TIAM1: variants seen among roughly 807,000 people sequenced by gnomAD.
The protein encoded by TIAM1 is TIAM Rac1 associated GEF 1.
A neutral mutation model predicts 163.5 loss-of-function variants in TIAM1; 65 were observed. The observed-to-expected ratio is 0.40, with a 90% CI of 0.33 to 0.49. TIAM1 has a LOEUF of 0.49. TIAM1 is among the 20% of genes least tolerant of loss of function. The pLI, the probability that TIAM1 is intolerant of heterozygous loss-of-function variation, is 0.77. For missense variants in TIAM1, 1,789 were observed against 2,044.7 expected (o/e 0.87, Z 2.41); for synonymous variants, 833 against 810.1 (o/e 1.03, Z -0.48).
At chr21:31,337,461 A>G (rs1230951439) in intron 2 of TIAM1, among the ~76,000 whole-genome samples, 1 of 152,064 alleles carries the variant, frequency 6.6e-6, no homozygotes, top group Non-Finnish European at 1.5e-5. Flanking sequence ...GGGGCTGAAC[A>G]TGGACAGCCG....
At chr21:31,239,016 T>C (rs1216290601) in intron 6 of TIAM1, among the ~76,000 whole-genome samples, 1 of 152,224 alleles carries the variant, frequency 6.6e-6, no homozygotes, top group Non-Finnish European at 1.5e-5. Flanking sequence ...AAGTAAAACA[T>C]AGCCACCGAT....
At chr21:31,156,394 A>G (rs2083623874) in intron 16 of TIAM1, among the ~76,000 whole-genome samples, 1 of 152,088 alleles carries the variant, frequency 6.6e-6, no homozygotes, top group South Asian at 2.1e-4. Flanking sequence ...CCCACAAACA[A>G]TTTTCCCTTA....
In TIAM1 at chr21:31,210,020, G is replaced by A. The variant is rs768650969; in HGVS notation, c.2388+25C>T. Reference sequence around the variant, plus strand: ...TACACCCCATTCTGCTCTTCTTGGAGAAACAACCCAAAGCAGCTCCATACC... The same window carrying A: ...TACACCCCATTCTGCTCTTCTTGGAAAAACAACCCAAAGCAGCTCCATACC... On this transcript the variant is annotated intron_variant, in intron 11 of 27. Coordinates refer to ENST00000541036, the MANE Select transcript of TIAM1 (RefSeq NM_001353694.2). 1.9e-5 allele frequency: 31 copies of A among 1,602,134 alleles called. No homozygotes were observed. The South Asian group carries it at 2.1e-4, about 11-fold the overall frequency.
intron 19 of TIAM1, among the ~76,000 whole-genome samples, chr21:31,149,801 C>T (rs1421505018): frequency 2.0e-5 from 3 of 152,106 alleles, no homozygotes; most frequent in East Asian, 3.8e-4. Context: ...TATCAATTTA[C>T]TAATTTAGAA....
intron 2 of TIAM1, among the ~76,000 whole-genome samples, chr21:31,335,083 A>G (rs772613704): frequency 6.6e-6 from 1 of 152,192 alleles, no homozygotes; most frequent in Non-Finnish European, 1.5e-5. Context: ...GACCCAAGGC[A>G]TCCACATCCC....
chr21:31,148,604 T>C (rs765621277), intron 19 of TIAM1, among the ~76,000 whole-genome samples: 27 of 152,184 alleles, frequency 1.8e-4, no homozygotes, highest in Non-Finnish European at 3.7e-4. Flanking sequence ...AACCCCTCCC[T>C]TTAGCCATCC....
intron 1 of TIAM1, among the ~76,000 whole-genome samples, chr21:31,520,553 T>TAC (rs1354943859): frequency 1.3e-5 from 2 of 152,214 alleles, no homozygotes; most frequent in Non-Finnish European, 2.9e-5. Flanking sequence ...TGTGCTGTCC[T>TAC]AAGGCAGGCC....
rs769084819 is a variant in TIAM1, at chr21:31,120,460, T to A, written c.4684A>T (p.Ile1562Phe). The change falls in exon 28 of 28, where the codon ATC (isoleucine) becomes TTC (phenylalanine). Residue 1562 changes from isoleucine (I) to phenylalanine (F), a missense_variant. Around this residue, in one of 5 missense-constraint regions of TIAM1, gnomAD observed 415 missense variants for 439.2 expected, o/e 0.94. Transcript: ENST00000541036. The surrounding 1 kb of genome is among the most constrained non-coding windows in gnomAD (Gnocchi z 4.2). The stretch of plus-strand genomic sequence containing the variant: ...CTTGCGCTCTCCAGGCCTCCATTGA[T>A]CCCCGACAGGGCAGCTTGCTTCTTG... ...QLKKQAALSG[I>F]NGGLESASEE... 6 of 1,614,188 alleles carry A rather than the reference T, an allele frequency of 3.7e-6. No individual in the cohort carries two copies. The East Asian group carries it at 1.3e-4, about 36-fold the overall frequency.
At chr21:31,406,044 A>T (rs1422317787) in intron 2 of TIAM1, among the ~76,000 whole-genome samples, 3 of 152,152 alleles carry the variant, frequency 2.0e-5, no homozygotes, top group Non-Finnish European at 4.4e-5. Context: ...GATTGCCGTC[A>T]TCCTAAATTC....
chr21:31,510,000 C>T lies in TIAM1; in HGVS notation c.-421-45965G>A, dbSNP rs114877129. On this transcript the variant is annotated intron_variant, in intron 1 of 28. Transcript: ENST00000286827. The stretch of plus-strand genomic sequence containing the variant: ...ACTAGCATCTTTTATGAGGCACAGC[C>T]ATCAAAGGACCTCCTGACAGCAAAG... 2.1e-3 allele frequency among the ~76,000 whole-genome samples: 318 copies of T among 152,344 alleles called. 2 individuals carry two copies. The highest frequency in any genetic ancestry group is 7.1e-3 in the African/African-American group (297 of 41,582).
intron 11 of TIAM1, among the ~76,000 whole-genome samples, chr21:31,205,783 G>A (rs947352915): frequency 5.9e-5 from 9 of 152,080 alleles, no homozygotes; most frequent in African/African-American, 2.2e-4. Flanking sequence ...GGGTAACATG[G>A]TGAAACCCTG....
At chr21:31,322,448 T>TGGGGGGGGGG (rs386394590) in intron 2 of TIAM1, among the ~76,000 whole-genome samples, 1 of 136,504 alleles carries the variant, frequency 7.3e-6, no homozygotes, top group Non-Finnish European at 1.6e-5. Flanking sequence ...CCTCTATGGG[T>TGGGGGGGGGG]GGGGGGGGGT....
intron 2 of TIAM1, among the ~76,000 whole-genome samples, chr21:31,328,810 G>T (rs2075579961): frequency 6.6e-6 from 1 of 151,626 alleles, no homozygotes; most frequent in Non-Finnish European, 1.5e-5. Context: ...AACCTGTGGT[G>T]AATTTTTCTA....
intron 2 of TIAM1, among the ~76,000 whole-genome samples, chr21:31,357,252 T>A (rs1287499040): frequency 1.3e-5 from 2 of 152,160 alleles, no homozygotes; most frequent in Non-Finnish European, 1.5e-5. Flanking sequence ...CACACCAAAA[T>A]TCTCTGTCTA....
intron 1 of TIAM1, among the ~76,000 whole-genome samples, chr21:31,531,604 A>G (rs1328886370): frequency 6.6e-6 from 1 of 152,168 alleles, no homozygotes; most frequent in African/African-American, 2.4e-5. Context: ...GAGATGGTGA[A>G]AGAAATGGAA....
intron 8 of TIAM1, among the ~76,000 whole-genome samples, chr21:31,219,302 C>T (rs1339535732): frequency 3.9e-5 from 6 of 152,172 alleles, no homozygotes; most frequent in East Asian, 1.9e-4. Flanking sequence ...CCCACCCGCT[C>T]GCCTTTCAAA....
intron 2 of TIAM1, among the ~76,000 whole-genome samples, chr21:31,287,282 T>C (rs1316795684): frequency 6.6e-6 from 1 of 152,338 alleles, no homozygotes; most frequent in East Asian, 1.9e-4. Context: ...ATGAATTGTT[T>C]GGGTAAGACA....
intron 2 of TIAM1, among the ~76,000 whole-genome samples, chr21:31,373,270 A>G (rs2147159117): frequency 6.6e-6 from 1 of 152,244 alleles, no homozygotes; most frequent in East Asian, 1.9e-4. Context: ...AGCTTGGGAT[A>G]CAGGATGAGA....
At chr21:31,210,253 G>A (rs747875427) in intron 10 of TIAM1, 38 bp from the exon 11 acceptor site, 2 of 1,603,364 alleles carry the variant, frequency 1.2e-6, no homozygotes, top group Non-Finnish European at 1.7e-6. Flanking sequence ...CAGCAGCAGT[G>A]GAGCTCTGAC....
Sources: gnomAD v4.1 joint callset for allele counts (sites outside exome capture counted in the v4.1 genomes callset) on GRCh38, gnomAD v4.1.1 for gene constraint, gnomAD v4.1.1 regional missense constraint, Gnocchi (gnomAD v3.1) non-coding constraint, MANE v1.5 for transcripts, NCBI Gene and HGNC (gene_info 2026-07-23, HGNC 2026-07-21) for gene names.